LRP1B: variants seen among roughly 807,000 people sequenced by gnomAD.
The protein encoded by LRP1B is low-density lipoprotein receptor-related protein 1B.
Under a neutral mutation model 556.6 loss-of-function variants are expected in LRP1B, and 217 were observed. The ratio of observed to expected loss-of-function variants is 0.39; its 90% CI spans 0.35 to 0.44. The LOEUF is 0.44. Among genes scored for constraint, LRP1B ranks in the 20% least tolerant of loss-of-function variants. The probability of loss-of-function intolerance (pLI) is 1.00; values close to 1 mark genes in which losing one functional copy is unlikely to be tolerated. For synonymous variants in LRP1B, 2,047 were observed against 1,865.8 expected, an observed-to-expected ratio of 1.10 and a Z score of -2.50; for missense variants, 5,053 against 5,620.8, an observed-to-expected ratio of 0.90 and a Z score of 3.23.
intron 15 of LRP1B, among the ~76,000 whole-genome samples, chr2:140,999,533 C>T (rs1697351073): frequency 6.6e-6 from 1 of 151,976 alleles, no homozygotes; most frequent in Admixed American, 6.6e-5. Flanking sequence ...ATAGTATTTC[C>T]TTACAAGCCA....
chr2:142,077,611 T>G (rs959274572), intron 1 of LRP1B, among the ~76,000 whole-genome samples: 4 of 152,156 alleles, frequency 2.6e-5, no homozygotes, highest in South Asian at 2.1e-4. Flanking sequence ...ATATATAAGG[T>G]AACAGTGTTA....
chr2:140,630,606 G>C (rs1329497868), intron 41 of LRP1B, among the ~76,000 whole-genome samples: 1 of 152,202 alleles, frequency 6.6e-6, no homozygotes, highest in Non-Finnish European at 1.5e-5. Context: ...TCTTAGGAGA[G>C]CTGCACATTT....
intron 18 of LRP1B, among the ~76,000 whole-genome samples, chr2:140,977,126 A>G (rs1696624999): frequency 6.6e-6 from 1 of 152,174 alleles, no homozygotes; most frequent in Non-Finnish European, 1.5e-5. Context: ...TCCCCACCCA[A>G]GTCACATCTT....
At chr2:140,319,904 C>G (rs987286573) in intron 82 of LRP1B, among the ~76,000 whole-genome samples, 4 of 152,134 alleles carry the variant, frequency 2.6e-5, no homozygotes, top group Non-Finnish European at 5.9e-5. Flanking sequence ...AATGCCCGTC[C>G]AAAATACCAA....
chr2:141,053,442 T>C (rs1699093737), intron 10 of LRP1B, among the ~76,000 whole-genome samples: 2 of 152,004 alleles, frequency 1.3e-5, no homozygotes, highest in Non-Finnish European at 2.9e-5. Context: ...CTACATCTGA[T>C]AGTTGTGGGG....
rs759170739 is a variant in LRP1B, at chr2:141,691,264, A to C, written c.205+119015T>G. On this transcript the variant is annotated intron_variant, in intron 2 of 90. Transcript: ENST00000389484. ...AGGAATGACTCCTCTATTTTGACAA[A>C]GAAATGTATTTCTATAATGAATATT... Among the ~76,000 whole-genome samples the C allele has an allele frequency of 1.1e-3, 166 of 151,916 alleles. 3 individuals carry two copies. The highest frequency in any genetic ancestry group is 7.4e-4 in the Non-Finnish European group (50 of 67,936).
intron 2 of LRP1B, among the ~76,000 whole-genome samples, chr2:141,756,533 A>G (rs898705235): frequency 7.6e-6 from 1 of 131,826 alleles, no homozygotes; most frequent in African/African-American, 2.8e-5. Context: ...TCATGATTAA[A>G]TCTCTCAAAT....
At chr2:140,979,168 G>C (rs188686642) in intron 18 of LRP1B, among the ~76,000 whole-genome samples, 2 of 151,974 alleles carry the variant, frequency 1.3e-5, no homozygotes, top group East Asian at 3.9e-4. Context: ...TAGTAGAGAT[G>C]GGGTTCTACC....
At chr2:141,290,975 G>T (rs1290765675) in intron 3 of LRP1B, among the ~76,000 whole-genome samples, 23 of 152,040 alleles carry the variant, frequency 1.5e-4, no homozygotes. Flanking sequence ...GTTATTTTTA[G>T]CCTATAGATT....
At chr2:140,538,511 T>C (rs149630483) in intron 45 of LRP1B, among the ~76,000 whole-genome samples, 1 of 152,208 alleles carries the variant, frequency 6.6e-6, no homozygotes, top group East Asian at 1.9e-4. Flanking sequence ...TTCACCTTAT[T>C]TATTTGACTT....
rs561867484 is a variant in LRP1B at position 141,344,913 on chromosome 2, T to C, written c.344-90272A>G. 1.2e-4 allele frequency among the ~76,000 whole-genome samples: 19 copies of C among 152,310 alleles called. 1 individual carries two copies. Among genetic ancestry groups the C allele is most frequent in the African/African-American group, 4.1e-4 (17 of 41,580 alleles). ...TCTTAGTCCCTGGGACCTAGAAATC[T>C]GTTATGTTACAAGGCAAGGGGAAAT... On this transcript the variant is annotated intron_variant, in intron 3 of 90. Transcript: ENST00000389484.
chr2:141,426,755 G>C (rs567643201), intron 3 of LRP1B, among the ~76,000 whole-genome samples: 3 of 152,140 alleles, frequency 2.0e-5, no homozygotes, highest in African/African-American at 7.2e-5. Context: ...TTTTTAGGCT[G>C]TATTTCCCAG....
chr2:141,651,223 T>C (rs1439350452), intron 2 of LRP1B, among the ~76,000 whole-genome samples: 1 of 152,168 alleles, frequency 6.6e-6, no homozygotes, highest in Non-Finnish European at 1.5e-5. Context: ...TCCAAACTAA[T>C]GCATAACTCC....
intron 23 of LRP1B, among the ~76,000 whole-genome samples, chr2:140,901,983 T>C (rs1694118477): frequency 6.6e-6 from 1 of 152,154 alleles, no homozygotes; most frequent in South Asian, 2.1e-4. Flanking sequence ...GAACATGTGA[T>C]ATTTTGAGAT....
rs77026171 is a variant in LRP1B at position 141,107,900 on chromosome 2, T to A, written c.1014-45627A>T. On this transcript the variant is annotated intron_variant, in intron 7 of 90. Coordinates refer to ENST00000389484, the MANE Select transcript of LRP1B (RefSeq NM_018557.3). ...CAACGTGTATGTAACTAAGTGAAGT[T>A]TGCTATTTAAAATTGGTAAATCACA... Among the ~76,000 whole-genome samples the A allele has an allele frequency of 0.014, 2,093 of 152,240 alleles. 77 individuals carry two copies. The East Asian group carries it at 0.14, about 10-fold the overall frequency.
In LRP1B at chr2:140,700,580, G is replaced by C. The variant is rs2105421913; in HGVS notation, c.6469C>G (p.Leu2157Val). Reference sequence around the variant, plus strand: ...CGGGAATTTCCTCGATAAAGACAGAGTTGCTTACAGCCACCATTGTCCCTG... The same window carrying C: ...CGGGAATTTCCTCGATAAAGACAGACTTGCTTACAGCCACCATTGTCCCTG... Reference protein sequence around the residue: ...CARDNGGCKQLCLYRGNSRRT... With the variant: ...CARDNGGCKQVCLYRGNSRRT... Residue 2157 changes from leucine (L) to valine (V), a missense_variant, in exon 41 of 91, where the codon CTC becomes GTC. Leu to Val is a conservative substitution (Grantham distance 32). Around this residue, in one of 5 missense-constraint regions of LRP1B, gnomAD observed 3,619 missense variants for 3,931.9 expected, o/e 0.92. Transcript: ENST00000389484. 1 of 1,613,544 alleles carries C rather than the reference G, an allele frequency of 6.2e-7. No homozygotes were observed. Among genetic ancestry groups the C allele is most frequent in the Non-Finnish European group, 8.5e-7 (1 of 1,179,642 alleles).
At chr2:141,818,861 A>G (rs1696658069) in intron 1 of LRP1B, among the ~76,000 whole-genome samples, 1 of 151,752 alleles carries the variant, frequency 6.6e-6, no homozygotes, top group African/African-American at 2.4e-5. Flanking sequence ...TTACTGTTAT[A>G]TTCCTTTGCT....
chr2:140,613,109 G>T (rs1402674030), intron 41 of LRP1B, among the ~76,000 whole-genome samples: 3 of 150,422 alleles, frequency 2.0e-5, no homozygotes, highest in African/African-American at 7.3e-5. Context: ...CTATTGTCAG[G>T]TATTGGCTAG....
intron 1 of LRP1B, among the ~76,000 whole-genome samples, chr2:142,119,807 G>A (rs976264730): frequency 2.0e-5 from 3 of 151,754 alleles, no homozygotes; most frequent in South Asian, 4.2e-4. Flanking sequence ...ACCCCAAACC[G>A]TTTGATCCGT....
Sources: allele counts gnomAD v4.1 joint callset (sites outside exome capture counted in the v4.1 genomes callset), GRCh38; gene constraint gnomAD v4.1.1; regional missense constraint gnomAD v4.1.1; transcripts MANE v1.5; gene names NCBI Gene and HGNC (gene_info 2026-07-23, HGNC 2026-07-21).